The following CD244 variants were observed in gnomAD, a reference collection of about 807,000 sequenced individuals.
CD244 encodes the protein natural killer cell receptor 2B4.
A neutral mutation model predicts 45.5 loss-of-function variants in CD244; 20 were observed. The observed-to-expected ratio is 0.44, with a 90% CI of 0.31 to 0.64. CD244 has a LOEUF of 0.64. Among genes scored for constraint, CD244 ranks in the 30% least tolerant of loss-of-function variants. CD244 has a pLI of 0.08. For missense variants in CD244, 407 were observed against 426.9 expected (o/e 0.95, Z 0.41); for synonymous variants, 185 against 160.5 (o/e 1.15, Z -1.15).
intron 4 of CD244, 23 bp downstream of exon 4, chr1:160,838,916 C>A: frequency 6.5e-7 from 1 of 1,539,694 alleles, no homozygotes; most frequent in Non-Finnish European, 8.9e-7. Flanking sequence ...GCAGGAGCAC[C>A]ACCCTAAGGA....
rs760755746 is a variant in CD244, at chr1:160,841,740, G to C, written c.223C>G (p.Pro75Ala). Residue 75 changes from proline to alanine, a missense_variant, in exon 2 of 9, where the codon CCT becomes GCT. By Grantham distance (27) the Pro-to-Ala change is conservative. Transcript: ENST00000368034. The stretch of plus-strand genomic sequence containing the variant: ...AATCTATCATTGGAAGTATTGGAAG[G>C]CAAAGAGCCATTCTCCCACTTCAAT... ...HILKWENGSL[P>A]SNTSNDRFSF... 2 of 1,614,172 alleles carry C rather than the reference G, an allele frequency of 1.2e-6. No individual in the cohort carries two copies. The highest frequency in any genetic ancestry group is 1.7e-6 in the Non-Finnish European group (2 of 1,180,026).
intron 1 of CD244, among the ~76,000 whole-genome samples, chr1:160,859,744 A>T (rs972295916): frequency 0.036 from 2,476 of 68,144 alleles, 70 homozygotes; most frequent in African/African-American, 0.28. Flanking sequence ...CTGTATCTAC[A>T]AAAAAAAAAA....
chr1:160,832,817 G>T, intron 7 of CD244: 2 of 635,140 alleles, frequency 3.1e-6, no homozygotes, highest in East Asian at 4.6e-5. Flanking sequence ...ATCAGAATTT[G>T]CTGTTCCATA....
At chr1:160,858,459 C>A (rs1426934402) in intron 1 of CD244, among the ~76,000 whole-genome samples, 1 of 152,098 alleles carries the variant, frequency 6.6e-6, no homozygotes, top group African/African-American at 2.4e-5. Flanking sequence ...GGATTCATAG[C>A]CTCCAGCCTG....
chr1:160,838,401 A>G, intron 5 of CD244, 50 bp downstream of exon 5: 4 of 1,308,912 alleles, frequency 3.1e-6, no homozygotes, highest in Non-Finnish European at 4.4e-6. Context: ...TCATTGAAAG[A>G]GCATTTTCCA....
intron 1 of CD244, among the ~76,000 whole-genome samples, chr1:160,856,336 C>A (rs1240132755): frequency 6.6e-6 from 1 of 152,190 alleles, no homozygotes; most frequent in Non-Finnish European, 1.5e-5. Context: ...TAGCCCAAGT[C>A]CCACTCTTTG....
intron 1 of CD244, among the ~76,000 whole-genome samples, chr1:160,851,105 C>T (rs79973025): frequency 0.024 from 3,678 of 152,258 alleles, 125 homozygotes; most frequent in African/African-American, 0.078. Context: ...CAGGAACCTC[C>T]GCATGTTTAG....
At chr1:160,843,188 G>A (rs1669607966) in intron 1 of CD244, among the ~76,000 whole-genome samples, 1 of 152,148 alleles carries the variant, frequency 6.6e-6, no homozygotes, top group Admixed American at 6.5e-5. Flanking sequence ...GATGAAATAT[G>A]TTTCTTTGAT....
At chr1:160,838,404 AT>A (rs1669406277) in intron 5 of CD244, 46 bp downstream of exon 5, 3 of 1,390,296 alleles carry the variant, frequency 2.2e-6, no homozygotes, top group African/African-American at 1.4e-5. Flanking sequence ...TTGAAAGAGC[AT>A]TTTCCAAGCC....
intron 8 of CD244, 125 bp from the exon 9 acceptor site, chr1:160,831,552 A>G (rs753055948): frequency 2.9e-6 from 2 of 689,194 alleles, no homozygotes; most frequent in Non-Finnish European, 5.1e-6. Flanking sequence ...GACAAAACAA[A>G]TTACTCAGGA....
intron 1 of CD244, among the ~76,000 whole-genome samples, chr1:160,859,288 G>A (rs979538905): frequency 2.6e-5 from 4 of 152,170 alleles, no homozygotes; most frequent in Non-Finnish European, 5.9e-5. Flanking sequence ...TGAGCAAGAG[G>A]AGAGACAAAG....
intron 1 of CD244, among the ~76,000 whole-genome samples, chr1:160,861,686 A>T (rs973371851): frequency 7.9e-5 from 12 of 151,960 alleles, no homozygotes; most frequent in Non-Finnish European, 4.4e-5. Context: ...AAAATACAAA[A>T]ATTAGCCAAG....
At chr1:160,832,797 C>A in intron 7 of CD244, 1 of 916,690 alleles carries the variant, frequency 1.1e-6, no homozygotes, top group East Asian at 3.7e-5. Flanking sequence ...TATGATATTT[C>A]TGAACCAAAA....
At chr1:160,838,588 C>A (rs1669415157) in intron 4 of CD244, 70 bp from the exon 5 acceptor site, 1 of 1,036,864 alleles carries the variant, frequency 9.6e-7, no homozygotes, top group Non-Finnish European at 1.5e-6. Flanking sequence ...CTAACAGGTC[C>A]CACCTCTACC....
intron 1 of CD244, 146 bp downstream of exon 1, chr1:160,862,471 T>A (rs932768833): frequency 3.0e-6 from 2 of 658,820 alleles, no homozygotes; most frequent in East Asian, 2.8e-5. Flanking sequence ...CTGTCTGATT[T>A]AGACTGTCAG....
At chr1:160,844,041 C>G (rs1029538455) in intron 1 of CD244, among the ~76,000 whole-genome samples, 1 of 152,202 alleles carries the variant, frequency 6.6e-6, no homozygotes, top group Admixed American at 6.5e-5. Flanking sequence ...CTCACAGGAA[C>G]TGAAGCTCAA....
At chr1:160,852,653 C>T (rs1331094797) in intron 1 of CD244, among the ~76,000 whole-genome samples, 1 of 152,156 alleles carries the variant, frequency 6.6e-6, no homozygotes, top group Non-Finnish European at 1.5e-5. Flanking sequence ...TTGGTACCAG[C>T]ACTTTGGAAA....
At chr1:160,843,170 A>G (rs1669607611) in intron 1 of CD244, among the ~76,000 whole-genome samples, 1 of 152,218 alleles carries the variant, frequency 6.6e-6, no homozygotes, top group Admixed American at 6.5e-5. Context: ...TTGTAATACT[A>G]TTTGTTTGAT....
At chr1:160,852,119 A>C (rs1341785446) in intron 1 of CD244, among the ~76,000 whole-genome samples, 1 of 152,222 alleles carries the variant, frequency 6.6e-6, no homozygotes, top group Non-Finnish European at 1.5e-5. Context: ...CAATAATGAC[A>C]AAAAAAGCAA....
Sources: allele counts gnomAD v4.1 joint callset (sites outside exome capture counted in the v4.1 genomes callset), GRCh38; gene constraint gnomAD v4.1.1; transcripts MANE v1.5; gene names NCBI Gene and HGNC (gene_info 2026-07-23, HGNC 2026-07-21).